The following LRCH3 variants were observed in gnomAD, a reference collection of about 807,000 sequenced individuals.
The protein encoded by LRCH3 is DISP complex protein LRCH3.
LRCH3 carries 68 observed loss-of-function variants against 104.5 expected under a neutral mutation model. The ratio of observed to expected loss-of-function variants is 0.65; its 90% CI spans 0.54 to 0.80. The LOEUF is 0.80. LRCH3 is among the 30% of genes least tolerant of loss of function. The pLI is 0.00. For synonymous variants in LRCH3, 344 were observed against 361.3 expected, an observed-to-expected ratio of 0.95 and a Z score of 0.54; for missense variants, 951 against 953.9, an observed-to-expected ratio of 1.00 and a Z score of 0.04.
At chr3:197,804,968 C>T (rs558693255) in intron 1 of LRCH3, among the ~76,000 whole-genome samples, 1 of 151,654 alleles carries the variant, frequency 6.6e-6, no homozygotes, top group Middle Eastern at 3.4e-3. Context: ...GATCTTGGCT[C>T]ACTGCAACCT....
Position 197,887,450 on chromosome 3 carries a change from G to GC in LRCH3, c.*3790dup, listed in dbSNP as rs531233114. 338 of 137,436 alleles carry GC rather than the reference G, an allele frequency of 2.5e-3. 14 individuals carry two copies. Among genetic ancestry groups the GC allele is most frequent in the African/African-American group, 9.0e-3 (306 of 33,966 alleles). The allele number at this position is 137,436 out of a possible 1,614,324, so 8.5% of individuals were successfully genotyped here. A position where few individuals can be genotyped will look rare whatever the true frequency, so the allele number is the denominator to read the frequency against. On this transcript the variant is annotated 3_prime_UTR_variant, in exon 21 of 21. Coordinates refer to ENST00000425562, the MANE Select transcript of LRCH3 (RefSeq NM_001365715.1). ...CACTGAACAGTGTTGGCGGCTGAGA[G>GC]CCCCCCAGCAGAGCCCTTCCCATCA...
chr3:197,808,921 C>G (rs1244290800), intron 1 of LRCH3, among the ~76,000 whole-genome samples: 2 of 150,300 alleles, frequency 1.3e-5, no homozygotes, highest in African/African-American at 4.9e-5. Context: ...GGATGATGTT[C>G]TGCCACTTCT....
At chr3:197,867,515 C>G (rs538034598) in intron 17 of LRCH3, among the ~76,000 whole-genome samples, 2 of 151,150 alleles carry the variant, frequency 1.3e-5, no homozygotes, top group Non-Finnish European at 2.9e-5. Flanking sequence ...CTCAGGAGTT[C>G]GAGACCATCC....
chr3:197,853,021 T>A (rs1181395563), intron 13 of LRCH3, among the ~76,000 whole-genome samples: 1 of 152,186 alleles, frequency 6.6e-6, no homozygotes, highest in Non-Finnish European at 1.5e-5. Flanking sequence ...TATTTTATAA[T>A]ATCAAATAGT....
At chr3:197,850,476 G>A in intron 12 of LRCH3, 1 of 1,589,072 alleles carries the variant, frequency 6.3e-7, no homozygotes. Context: ...CTCCTCTTCT[G>A]GTTTAGGAAC....
At chr3:197,793,540 C>T (rs1730865311) in intron 1 of LRCH3, among the ~76,000 whole-genome samples, 1 of 152,190 alleles carries the variant, frequency 6.6e-6, no homozygotes, top group Non-Finnish European at 1.5e-5. Context: ...TTACAGGAGT[C>T]TGTCTAGCTC....
In LRCH3 at chr3:197,860,600, T is replaced by G. The variant is rs1489445558; in HGVS notation, c.1716+1695T>G. On this transcript the variant is annotated intron_variant, in intron 15 of 20. Coordinates refer to ENST00000425562, the MANE Select transcript of LRCH3 (RefSeq NM_001365715.1). ...AAACCGAATTCTTGTATCATGTCCT[T>G]TTTTTTTTTACTTTTTAATTTTTGT... 2.1e-5 allele frequency among the ~76,000 whole-genome samples: 3 copies of G among 145,530 alleles called. No homozygotes were observed. The East Asian group carries it at 5.9e-4, about 28-fold the overall frequency.
At chr3:197,799,341 G>A (rs548905129) in intron 1 of LRCH3, among the ~76,000 whole-genome samples, 1 of 152,302 alleles carries the variant, frequency 6.6e-6, no homozygotes, top group Non-Finnish European at 1.5e-5. Flanking sequence ...TTCACACAAA[G>A]GAATATTATT....
intron 1 of LRCH3, among the ~76,000 whole-genome samples, chr3:197,807,466 C>T (rs1732641664): frequency 6.6e-6 from 1 of 151,996 alleles, no homozygotes; most frequent in South Asian, 2.1e-4. Context: ...TGTGATCCGC[C>T]CGCCTTGGCC....
rs1239668211 is a variant in LRCH3, at chr3:197,888,333, G to A, written c.*4667G>A. 6.6e-6 allele frequency: 1 copy of A among 152,262 alleles called. No individual in the cohort carries two copies. Among genetic ancestry groups the A allele is most frequent in the Non-Finnish European group, 1.5e-5 (1 of 68,046 alleles). 9.4% of individuals were successfully genotyped at this position (152,262 alleles called of 1,614,324 possible). A position where few individuals can be genotyped will look rare whatever the true frequency, so the allele number is the denominator to read the frequency against. The stretch of plus-strand genomic sequence containing the variant: ...TGTAAATATATTGCATAAGTTCTAA[G>A]TATAAATATGTCAGTATCATGTATG... On this transcript the variant is annotated 3_prime_UTR_variant, in exon 21 of 21. Coordinates refer to ENST00000425562, the MANE Select transcript of LRCH3 (RefSeq NM_001365715.1).
intron 10 of LRCH3, among the ~76,000 whole-genome samples, chr3:197,846,168 C>T (rs1055350074): frequency 6.6e-6 from 1 of 151,926 alleles, no homozygotes; most frequent in Non-Finnish European, 1.5e-5. Flanking sequence ...TCGGAGGCCT[C>T]GGTGGGTGGA....
intron 19 of LRCH3, among the ~76,000 whole-genome samples, chr3:197,875,297 A>C (rs796208633): frequency 6.6e-5 from 10 of 152,082 alleles, no homozygotes; most frequent in African/African-American, 2.4e-4. Flanking sequence ...AAGTTCGCTG[A>C]CCCCCTAGTC....
At chr3:197,869,821 G>C (rs200712679) in intron 17 of LRCH3, among the ~76,000 whole-genome samples, 3 of 133,554 alleles carry the variant, frequency 2.2e-5, no homozygotes, top group Admixed American at 7.4e-5. Flanking sequence ...GGTAGAAAGC[G>C]ATGCACTGTA....
At chr3:197,861,932 G>A (rs1166220970) in intron 15 of LRCH3, among the ~76,000 whole-genome samples, 4 of 152,162 alleles carry the variant, frequency 2.6e-5, no homozygotes, top group Admixed American at 6.5e-5. Flanking sequence ...ATTTTTACAC[G>A]TCTCCTCTCC....
At chr3:197,860,673 A>G (rs1369525200) in intron 15 of LRCH3, among the ~76,000 whole-genome samples, 1 of 152,012 alleles carries the variant, frequency 6.6e-6, no homozygotes, top group East Asian at 1.9e-4. Context: ...ATTTTGATAT[A>G]GGTATACAGT....
In LRCH3 at chr3:197,835,098, T is replaced by C. The variant is rs563898711; in HGVS notation, c.1103-576T>C. On this transcript the variant is annotated intron_variant, in intron 8 of 20. Coordinates refer to ENST00000425562, the MANE Select transcript of LRCH3 (RefSeq NM_001365715.1). ...AGCAGAGGTTGCAGTGAGCCAAGAT[T>C]GCACCACTGCACTGCAGCCTGGATG... 5.4e-4 allele frequency among the ~76,000 whole-genome samples: 82 copies of C among 152,052 alleles called. 1 individual carries two copies. The highest frequency in any genetic ancestry group is 8.1e-4 in the Non-Finnish European group (55 of 68,008).
chr3:197,835,652 G>A, intron 8 of LRCH3, 22 bp from the exon 9 acceptor site: 5 of 1,575,416 alleles, frequency 3.2e-6, no homozygotes, highest in Non-Finnish European at 4.3e-6. Context: ...TGTGTGTGTG[G>A]GTGTGTGTGT....
At chr3:197,832,145 A>T in intron 7 of LRCH3, 52 bp from the exon 8 acceptor site, 6 of 1,567,698 alleles carry the variant, frequency 3.8e-6, no homozygotes, top group Non-Finnish European at 5.2e-6. Context: ...TACAGGCATG[A>T]TCTGCCAGGC....
At chr3:197,799,668 A>G in intron 1 of LRCH3, among the ~76,000 whole-genome samples, 1 of 151,110 alleles carries the variant, frequency 6.6e-6, no homozygotes, top group East Asian at 2.0e-4. Context: ...GGAGTTTGAG[A>G]CCAACCTGAC....
Sources: gnomAD v4.1 joint callset for allele counts (sites outside exome capture counted in the v4.1 genomes callset) on GRCh38, gnomAD v4.1.1 for gene constraint, MANE v1.5 for transcripts, NCBI Gene and HGNC (gene_info 2026-07-23, HGNC 2026-07-21) for gene names.